The following CFAP70 variants were observed in gnomAD, a reference collection of about 807,000 sequenced individuals.
CFAP70 encodes the protein cilia and flagella associated protein 70, also known as cilia- and flagella-associated protein 70.
Under a neutral mutation model 137.6 loss-of-function variants are expected in CFAP70, and 81 were observed. The observed-to-expected ratio is 0.59, with a 90% CI of 0.49 to 0.71. The LOEUF is 0.71. CFAP70 is among the 30% of genes least tolerant of loss of function. The pLI, the probability that CFAP70 is intolerant of heterozygous loss-of-function variation, is 0.00. For missense variants in CFAP70, 976 were observed against 1,226.7 expected, an observed-to-expected ratio of 0.80 and a Z score of 3.05; for synonymous variants, 382 against 423.6, an observed-to-expected ratio of 0.90 and a Z score of 1.20.
intron 3 of CFAP70, among the ~76,000 whole-genome samples, chr10:73,351,730 C>T (rs2054291172): frequency 6.6e-6 from 1 of 152,190 alleles, no homozygotes; most frequent in African/African-American, 2.4e-5. Flanking sequence ...TGTGCCCAGC[C>T]CATTATGTTT....
chr10:73,335,620 CT>C, intron 6 of CFAP70, 96 bp from the exon 8 acceptor site: 4 of 775,440 alleles, frequency 5.2e-6, no homozygotes, highest in Non-Finnish European at 7.9e-6. Context: ...GTTCACAATA[CT>C]TTTCTTAGTA....
chr10:73,305,926 G>A (rs113357099), intron 12 of CFAP70, among the ~76,000 whole-genome samples: 11,684 of 151,826 alleles, frequency 0.077, 537 homozygotes, highest in Middle Eastern at 0.17. Flanking sequence ...AGGAAGCCAC[G>A]GACAAAACAA....
intron 19 of CFAP70, among the ~76,000 whole-genome samples, chr10:73,282,412 C>T (rs1043353988): frequency 7.9e-5 from 12 of 152,106 alleles, no homozygotes; most frequent in Admixed American, 3.9e-4. Context: ...TAGTCCCAGG[C>T]GGGCCACACC....
At chr10:73,345,854 CT>C (rs896512789) in intron 4 of CFAP70, among the ~76,000 whole-genome samples, 5 of 151,560 alleles carry the variant, frequency 3.3e-5, no homozygotes, top group African/African-American at 1.2e-4. Context: ...AGATTGGGTG[CT>C]TTTTTTGCTA....
intron 25 of CFAP70, among the ~76,000 whole-genome samples, chr10:73,258,490 G>A (rs138374294): frequency 7.2e-5 from 11 of 152,226 alleles, no homozygotes; most frequent in South Asian, 2.1e-4. Flanking sequence ...TGATGATTAC[G>A]TTATCTGCAC....
intron 4 of CFAP70, among the ~76,000 whole-genome samples, 193 bp downstream of exon 5, chr10:73,347,963 A>G (rs1253838912): frequency 6.6e-6 from 1 of 152,222 alleles, no homozygotes; most frequent in Non-Finnish European, 1.5e-5. Context: ...GTTATAGTCT[A>G]TGATATGTAG....
intron 8 of CFAP70, among the ~76,000 whole-genome samples, chr10:73,324,151 G>A (rs1028333811): frequency 1.3e-5 from 2 of 152,166 alleles, no homozygotes; most frequent in East Asian, 1.9e-4. Context: ...CCAGAGGAAC[G>A]ATCAGACAGC....
chr10:73,266,074 A>G (rs1231218594), intron 25 of CFAP70, among the ~76,000 whole-genome samples: 1 of 152,132 alleles, frequency 6.6e-6, no homozygotes, highest in South Asian at 2.1e-4. Flanking sequence ...CTTTTACAAT[A>G]AAGTTTTATG....
chr10:73,316,496 A>C lies in CFAP70; in HGVS notation c.913-3853T>G, dbSNP rs568868022. Among the ~76,000 whole-genome samples the C allele has an allele frequency of 6.4e-3, 860 of 134,130 alleles. 4 individuals are homozygous for C. The highest frequency in any genetic ancestry group is 9.0e-3 in the Non-Finnish European group (575 of 63,978). 88.0% of individuals were successfully genotyped at this position (134,130 alleles called of 152,430 possible). ...TATATATATAGATATAGATATATAT[A>C]TATATATATATATATATGACGTACA... is the stretch of plus-strand genomic sequence containing the variant. On this transcript the variant is annotated intron_variant, in intron 9 of 26. Transcript: ENST00000310715.
intron 9 of CFAP70, among the ~76,000 whole-genome samples, chr10:73,320,895 G>C (rs1485079666): frequency 6.6e-6 from 1 of 151,964 alleles, no homozygotes; most frequent in Non-Finnish European, 1.5e-5. Flanking sequence ...TCAAGCTCTT[G>C]ACCTCAGGTG....
In CFAP70 at chr10:73,284,746, A is replaced by C. The variant is rs2047529119; in HGVS notation, c.2240-6409T>G. 5.6e-3 allele frequency among the ~76,000 whole-genome samples: 18 copies of C among 3,208 alleles called. 4 individuals carry two copies. The highest frequency in any genetic ancestry group is 0.031 in the African/African-American group (15 of 486). 2.1% of individuals were successfully genotyped at this position (3,208 alleles called of 152,430 possible). On this transcript the variant is annotated intron_variant, in intron 19 of 26. Coordinates refer to ENST00000310715, the Ensembl canonical transcript of CFAP70. The stretch of plus-strand genomic sequence containing the variant: ...GCCATATATGACCTGCCACATATAT[A>C]TATATATATATATATATATATATAT...
intron 23 of CFAP70, 134 bp downstream of exon 24, chr10:73,274,299 G>T: frequency 9.7e-7 from 1 of 1,030,182 alleles, no homozygotes; most frequent in Non-Finnish European, 1.4e-6. Context: ...CTGATGTTGG[G>T]CAAGTCACTT....
intron 6 of CFAP70, among the ~76,000 whole-genome samples, chr10:73,338,094 C>G (rs1162227810): frequency 6.6e-6 from 1 of 151,000 alleles, no homozygotes; most frequent in Admixed American, 6.6e-5. Context: ...AACATTTGAC[C>G]CTTGAACAAC....
At chr10:73,311,608 T>C (rs550648153) in intron 11 of CFAP70, among the ~76,000 whole-genome samples, 17 of 152,298 alleles carry the variant, frequency 1.1e-4, no homozygotes, top group Middle Eastern at 3.4e-3. Flanking sequence ...TAACAAAAGA[T>C]ATAATATTTT....
At chr10:73,284,427 G>A (rs1278959585) in intron 19 of CFAP70, among the ~76,000 whole-genome samples, 1 of 151,878 alleles carries the variant, frequency 6.6e-6, no homozygotes, top group African/African-American at 2.4e-5. Context: ...TGCTATATAA[G>A]GCAACAGTTC....
intron 25 of CFAP70, among the ~76,000 whole-genome samples, chr10:73,267,241 G>T (rs982878324): frequency 6.6e-6 from 1 of 152,146 alleles, no homozygotes; most frequent in African/African-American, 2.4e-5. Context: ...TGACAATTTG[G>T]CTAGGACTGA....
chr10:73,272,919 T>TTA lies in CFAP70; in HGVS notation c.2925+8_2925+9insTA. Reference sequence around the variant, plus strand: ...CCACAGCCCTAGTCTCAAGCCTTCATCCTCTTACCCGATAGCAGGCGATTC... The same window carrying TTA: ...CCACAGCCCTAGTCTCAAGCCTTCATTACCTCTTACCCGATAGCAGGCGATTC... On this transcript the variant is annotated intron_variant, in intron 24 of 26. Coordinates refer to ENST00000310715, the Ensembl canonical transcript of CFAP70. 6.4e-7 allele frequency: 1 copy of TTA among 1,551,356 alleles called. No individual in the cohort carries two copies. Among genetic ancestry groups the TTA allele is most frequent in the South Asian group, 1.2e-5 (1 of 84,072 alleles).
At chr10:73,291,929 T>A (rs2048209567) in exon 17 of CFAP70, 1 of 1,614,220 alleles carries the variant, frequency 6.2e-7, no homozygotes, top group Non-Finnish European at 8.5e-7. Flanking sequence ...AAAACACTCT[T>A]GTGCTTTGAT....
intron 6 of CFAP70, among the ~76,000 whole-genome samples, chr10:73,341,108 C>A (rs2053215333): frequency 6.6e-6 from 1 of 152,210 alleles, no homozygotes; most frequent in African/African-American, 2.4e-5. Flanking sequence ...ACTAGAGGGA[C>A]ACTTTCACTG....
Sources: allele counts gnomAD v4.1 joint callset (sites outside exome capture counted in the v4.1 genomes callset), GRCh38; gene constraint gnomAD v4.1.1; transcripts MANE v1.5; gene names NCBI Gene and HGNC (gene_info 2026-07-23, HGNC 2026-07-21).